The following INO80 variants were observed in gnomAD, a reference collection of about 807,000 sequenced individuals.
INO80 encodes the protein INO80 complex ATPase subunit, also known as chromatin-remodeling ATPase INO80.
INO80 carries 20 observed loss-of-function variants against 203.4 expected under a neutral mutation model. That is an observed-to-expected ratio of 0.10 (90% confidence interval 0.07 to 0.14). The LOEUF (loss-of-function observed/expected upper bound fraction) is 0.14, where lower values mean the gene tolerates loss of function less well. Among genes scored for constraint, INO80 ranks in the 10% least tolerant of loss-of-function variants. The probability of loss-of-function intolerance (pLI) is 1.00; values close to 1 mark genes in which losing one functional copy is unlikely to be tolerated. For synonymous variants in INO80, 726 were observed against 685.2 expected (o/e 1.06, Z -0.93); for missense variants, 1,419 against 1,914.4 (o/e 0.74, Z 4.83).
chr15:41,111,182 A>T (rs1182486477), intron 1 of INO80, among the ~76,000 whole-genome samples: 7 of 152,246 alleles, frequency 4.6e-5, no homozygotes, highest in Non-Finnish European at 8.8e-5. Context: ...GTGGTGGTTC[A>T]CGCCTATAAT....
chr15:41,091,254 T>A (rs1273895143), intron 5 of INO80, among the ~76,000 whole-genome samples: 2 of 151,950 alleles, frequency 1.3e-5, no homozygotes, highest in African/African-American at 4.8e-5. Context: ...GAGATGGAGT[T>A]TCACCAAGTT....
chr15:40,990,864 T>C (rs1215128817), intron 29 of INO80, among the ~76,000 whole-genome samples: 2 of 152,196 alleles, frequency 1.3e-5, no homozygotes, highest in Admixed American at 1.3e-4. Flanking sequence ...TTCATCTTTT[T>C]TTCTGGTTCA....
chr15:41,074,712 T>G (rs1047668310), intron 9 of INO80, 147 bp from the exon 10 acceptor site: 53 of 609,192 alleles, frequency 8.7e-5, no homozygotes, highest in Non-Finnish European at 1.3e-4. Flanking sequence ...CAATTTTAAT[T>G]TAGCCAAGTC....
chr15:41,099,448 A>G (rs990162305), intron 1 of INO80, among the ~76,000 whole-genome samples: 10 of 151,998 alleles, frequency 6.6e-5, no homozygotes, highest in African/African-American at 2.4e-4. Flanking sequence ...CATAGTTTGT[A>G]AATTGTCAGT....
intron 14 of INO80, among the ~76,000 whole-genome samples, chr15:41,061,168 G>A (rs1271915327): frequency 6.6e-6 from 1 of 151,930 alleles, no homozygotes; most frequent in Non-Finnish European, 1.5e-5. Flanking sequence ...TTAGCTAGGT[G>A]TGGTGACACG....
chr15:41,057,797 C>CAAAAAAAAAAA (rs35197370), intron 16 of INO80, among the ~76,000 whole-genome samples: 3 of 29,332 alleles, frequency 1.0e-4, no homozygotes, highest in East Asian at 1.1e-3. Context: ...AACTACATCT[C>CAAAAAAAAAAA]AAAAAAAAAA....
intron 1 of INO80, among the ~76,000 whole-genome samples, chr15:41,107,028 TCC>T (rs2045889465): frequency 6.6e-6 from 1 of 152,218 alleles, no homozygotes; most frequent in African/African-American, 2.4e-5. Flanking sequence ...TTATGTACAG[TCC>T]CTTTTGTCTT....
At chr15:40,988,950 G>A (rs1220013416) in intron 29 of INO80, among the ~76,000 whole-genome samples, 1 of 152,056 alleles carries the variant, frequency 6.6e-6, no homozygotes, top group African/African-American at 2.4e-5. Context: ...GGGAGGCAGA[G>A]GTTGCAGTGA....
At chr15:41,046,359 A>T (rs2044767516) in intron 23 of INO80, among the ~76,000 whole-genome samples, 1 of 149,156 alleles carries the variant, frequency 6.7e-6, no homozygotes, top group Non-Finnish European at 1.5e-5. Context: ...CCTCCTGAGT[A>T]GCTGAAACAG....
At chr15:40,987,777 T>G (rs1384031174) in intron 30 of INO80, 39 bp downstream of exon 30, 3 of 1,585,080 alleles carry the variant, frequency 1.9e-6, no homozygotes, top group Admixed American at 3.5e-5. Context: ...ACTTTCTGTT[T>G]GCTCCACCAG....
intron 1 of INO80, among the ~76,000 whole-genome samples, chr15:41,101,551 CTTT>C (rs773003985): frequency 1.4e-5 from 2 of 142,010 alleles, no homozygotes; most frequent in Non-Finnish European, 1.5e-5. Context: ...TTATTTGTAA[CTTT>C]TTTTTTTTTT....
At chr15:41,078,428 G>C (rs16971463) in intron 9 of INO80, among the ~76,000 whole-genome samples, 17,974 of 152,014 alleles carry the variant, frequency 0.12, 3,172 homozygotes, top group African/African-American at 0.38. Flanking sequence ...GGCTAACTCT[G>C]AAATGACTTT....
intron 8 of INO80, 113 bp from the exon 9 acceptor site, chr15:41,080,017 C>T (rs2045462401): frequency 1.2e-6 from 1 of 862,018 alleles, no homozygotes; most frequent in African/African-American, 1.7e-5. Context: ...TCATCCTTGA[C>T]CACATCTTTC....
chr15:41,046,277 T>A (rs2044766212), intron 23 of INO80, among the ~76,000 whole-genome samples: 1 of 123,742 alleles, frequency 8.1e-6, no homozygotes. Context: ...TTGCCCGGGC[T>A]GGGGTACAAT....
intron 9 of INO80, among the ~76,000 whole-genome samples, chr15:41,079,154 T>TA (rs917968023): frequency 4.6e-5 from 7 of 151,304 alleles, no homozygotes; most frequent in Admixed American, 4.6e-4. Context: ...AAAAAATAAA[T>TA]AAAACAGTAC....
At chr15:41,026,587 A>C (rs1045099135) in intron 25 of INO80, among the ~76,000 whole-genome samples, 2 of 151,958 alleles carry the variant, frequency 1.3e-5, no homozygotes, top group Non-Finnish European at 2.9e-5. Flanking sequence ...AAAAAAAACC[A>C]ACAAACCTGT....
At chr15:41,099,481 A>G (rs2045775774) in intron 1 of INO80, among the ~76,000 whole-genome samples, 1 of 152,030 alleles carries the variant, frequency 6.6e-6, no homozygotes, top group African/African-American at 2.4e-5. Flanking sequence ...AAGAAAAAAG[A>G]ATGCTAAAAA....
chr15:41,073,514 G>A lies in INO80; in HGVS notation c.1328-19C>T. On this transcript the variant is annotated intron_variant, in intron 10 of 35. Transcript: ENST00000648947. ...TTACTATCTGAAAAGCAAAATTTAT[G>A]GATTATCACACTTTATCAACTGATT... 1 of 1,586,816 alleles carries A rather than the reference G, an allele frequency of 6.3e-7. No homozygotes were observed. Among genetic ancestry groups the A allele is most frequent in the Non-Finnish European group, 8.7e-7 (1 of 1,155,168 alleles).
rs868650313 is a variant in INO80 at position 41,007,715 on chromosome 15, G to A, written c.3403-2028C>T. ...CTTAGCTCTTGAACTAAGACGAGCA[G>A]TGGGACTTCAGGCTTTAGTAAATTT... is the stretch of plus-strand genomic sequence containing the variant. On this transcript the variant is annotated intron_variant, in intron 27 of 35. Coordinates refer to ENST00000648947, the MANE Select transcript of INO80 (RefSeq NM_017553.3). 6.6e-5 allele frequency among the ~76,000 whole-genome samples: 10 copies of A among 151,256 alleles called. 2 individuals are homozygous for A. Among genetic ancestry groups the A allele is most frequent in the Middle Eastern group, 3.4e-3 (1 of 292 alleles).
Sources: allele counts gnomAD v4.1 joint callset (sites outside exome capture counted in the v4.1 genomes callset), GRCh38; gene constraint gnomAD v4.1.1; transcripts MANE v1.5; gene names NCBI Gene and HGNC (gene_info 2026-07-23, HGNC 2026-07-21).